KDM3A: variants seen among roughly 807,000 people sequenced by gnomAD.
KDM3A encodes the protein lysine-specific demethylase 3A.
A neutral mutation model predicts 158.0 loss-of-function variants in KDM3A; 60 were observed. That is an observed-to-expected ratio of 0.38 (90% confidence interval 0.31 to 0.47). KDM3A has a LOEUF of 0.47. Among genes scored for constraint, KDM3A ranks in the 20% least tolerant of loss-of-function variants. KDM3A has a pLI of 0.99. For missense variants in KDM3A, 1,319 were observed against 1,574.3 expected (o/e 0.84, Z 2.74); for synonymous variants, 608 against 549.3 (o/e 1.11, Z -1.49).
intron 2 of KDM3A, among the ~76,000 whole-genome samples, chr2:86,445,038 A>G (rs1401333097): frequency 6.6e-6 from 1 of 152,212 alleles, no homozygotes; most frequent in Admixed American, 6.5e-5. Flanking sequence ...ATGGTAAACT[A>G]CATTTTTAGT....
At chr2:86,439,519 G>C (rs1289033068), upstream of KDM3A, among the ~76,000 whole-genome samples, 1 of 151,946 alleles carries the variant, frequency 6.6e-6, no homozygotes. Context: ...CTGAAATAAT[G>C]AATTCAACAT....
chr2:86,461,634 A>G (rs1339632095), intron 8 of KDM3A, among the ~76,000 whole-genome samples: 1 of 152,188 alleles, frequency 6.6e-6, no homozygotes, highest in Admixed American at 6.5e-5. Context: ...GATAAGGGCT[A>G]TGAAAGGTAT....
At chr2:86,439,776 T>C (rs976355336), upstream of KDM3A, among the ~76,000 whole-genome samples, 3 of 152,136 alleles carry the variant, frequency 2.0e-5, no homozygotes, top group Non-Finnish European at 4.4e-5. Context: ...CAGGAGACCA[T>C]ACTGTCTTCA....
At chr2:86,480,779 G>A (rs1377235241) in intron 16 of KDM3A, among the ~76,000 whole-genome samples, 1 of 152,174 alleles carries the variant, frequency 6.6e-6, no homozygotes, top group Non-Finnish European at 1.5e-5. Flanking sequence ...GATGACTGTT[G>A]TAGAAAAAAA....
At chr2:86,479,048 T>A (rs1376473676) in intron 15 of KDM3A, 3 of 184,606 alleles carry the variant, frequency 1.6e-5, no homozygotes, top group Non-Finnish European at 3.3e-5. Context: ...TTTAAAAAAA[T>A]TTTTTGTGTA....
At position 86,492,160 on chromosome 2, in the gene KDM3A, A is replaced by T; in HGVS notation, c.*41A>T. 7.0e-7 allele frequency: 1 copy of T among 1,432,200 alleles called. No individual in the cohort carries two copies. The highest frequency in any genetic ancestry group is 1.4e-5 in the African/African-American group (1 of 71,342). 88.7% of individuals were successfully genotyped at this position (1,432,200 alleles called of 1,614,324 possible). ...GAAATGAATTACAGGCAGCTGTTCA[A>T]ACTCTTCAGGCAGGATTCCTGTGGA... On this transcript the variant is annotated 3_prime_UTR_variant, in exon 26 of 26. Coordinates refer to ENST00000312912, the MANE Select transcript of KDM3A (RefSeq NM_018433.6).
At position 86,456,449 on chromosome 2, in the gene KDM3A, A is replaced by G. The variant is rs534821514; in HGVS notation, c.564A>G (p.Lys188=). Residue 188 remains lysine, a synonymous_variant, in exon 6 of 26, where the codon AAA becomes AAG. Coordinates refer to ENST00000312912, the MANE Select transcript of KDM3A (RefSeq NM_018433.6). ...LDESHLLKGD[K]NLVGSEVKIY... is the part of the protein sequence containing the mutation. ...TTTTTTTTTTTTTTTAAGGTGACAA[A>G]AACTTAGTTGGTTCAGAAGTAAAAA... 3 of 1,513,082 alleles carry G rather than the reference A, an allele frequency of 2.0e-6. No individual in the cohort carries two copies. The East Asian group carries it at 7.2e-5, about 37-fold the overall frequency. 93.7% of individuals were successfully genotyped at this position (1,513,082 alleles called of 1,614,324 possible). A position where few individuals can be genotyped will look rare whatever the true frequency, so the allele number is the denominator to read the frequency against.
intron 1 of KDM3A, among the ~76,000 whole-genome samples, chr2:86,441,770 G>A (rs1458214054): frequency 6.6e-6 from 1 of 150,880 alleles, no homozygotes; most frequent in Non-Finnish European, 1.5e-5. Context: ...CACTCCCTCT[G>A]CGGTTGCGTT....
At position 86,489,428 on chromosome 2, in the gene KDM3A, CAAG is replaced by C. The variant is rs747723689; in HGVS notation, c.3431_3433del (p.Glu1145del). On this transcript the variant is annotated inframe_deletion, in exon 22 of 26. Coordinates refer to ENST00000312912, the MANE Select transcript of KDM3A (RefSeq NM_018433.6). Reference sequence around the variant, plus strand: ...GGGAATTCCCAAAGGACAGTGTGAGCAAGAAGAAGGTAGGGTGCTGAGCATAAA... The same window carrying C: ...GGGAATTCCCAAAGGACAGTGTGAGCAAGAAGGTAGGGTGCTGAGCATAAA... 7.4e-6 allele frequency: 12 copies of C among 1,613,846 alleles called. No individual in the cohort carries two copies. The highest frequency in any genetic ancestry group is 2.2e-5 in the East Asian group (1 of 44,860).
Position 86,470,076 on chromosome 2 carries a change from A to G in KDM3A, c.1520-128A>G, listed in dbSNP as rs192010865. 501 of 710,952 alleles carry G rather than the reference A, an allele frequency of 7.0e-4. 6 individuals are homozygous for G. The highest frequency in any genetic ancestry group is 5.5e-3 in the South Asian group (290 of 52,340). 44.0% of individuals were successfully genotyped at this position (710,952 alleles called of 1,614,324 possible). A position where few individuals can be genotyped will look rare whatever the true frequency, so the allele number is the denominator to read the frequency against. On this transcript the variant is annotated intron_variant, in intron 10 of 25. Coordinates refer to ENST00000312912, the MANE Select transcript of KDM3A (RefSeq NM_018433.6). ...TGTTGAGCCATTTTTAGAAATTACA[A>G]TTGAACCAGGAATTGAGAAGGGAGT... is the stretch of plus-strand genomic sequence containing the variant.
At chr2:86,452,128 C>T (rs1301849491) in intron 4 of KDM3A, among the ~76,000 whole-genome samples, 1 of 151,662 alleles carries the variant, frequency 6.6e-6, no homozygotes, top group Non-Finnish European at 1.5e-5. Flanking sequence ...GGTGATGTTC[C>T]ACCTTGTTTC....
At chr2:86,444,023 C>G (rs73949510) in intron 2 of KDM3A, among the ~76,000 whole-genome samples, 2,204 of 152,252 alleles carry the variant, frequency 0.014, 69 homozygotes, top group African/African-American at 0.051. Flanking sequence ...TGTTGAGAGA[C>G]TAGGCGTTCC....
At chr2:86,437,306 G>T (rs949025407), upstream of KDM3A, among the ~76,000 whole-genome samples, 2 of 151,942 alleles carry the variant, frequency 1.3e-5, no homozygotes, top group African/African-American at 4.8e-5. Context: ...CACCACAACA[G>T]CCAGCTAATT....
intron 3 of KDM3A, among the ~76,000 whole-genome samples, chr2:86,450,326 T>C (rs1054793058): frequency 3.9e-5 from 6 of 152,208 alleles, no homozygotes; most frequent in African/African-American, 1.2e-4. Flanking sequence ...TTCCATTGTC[T>C]CTTAAAAAAT....
In KDM3A at chr2:86,455,167, A is replaced by G. The variant is rs1164256219; in HGVS notation, c.536A>G (p.Asp179Gly). 6 of 1,595,732 alleles carry G rather than the reference A, an allele frequency of 3.8e-6. No individual in the cohort carries two copies. Reference protein sequence around the residue: ...EFQALIVKHLDESHLLKGDKN... With the variant: ...EFQALIVKHLGESHLLKGDKN... ...CAAGCTTTGATTGTGAAGCATTTAG[A>G]TGAAAGCCATCTTTTAAAAGGTATA... is the stretch of plus-strand genomic sequence containing the variant. The change falls in exon 5 of 26, where the codon GAT becomes GGT. Residue 179 changes from aspartate (D) to glycine (G), a missense_variant. By Grantham distance (94) the Asp-to-Gly change is moderately conservative. Around this residue, in one of 4 missense-constraint regions of KDM3A, gnomAD observed 652 missense variants for 627.2 expected, o/e 1.04. Coordinates refer to ENST00000312912, the MANE Select transcript of KDM3A (RefSeq NM_018433.6).
Position 86,474,901 on chromosome 2 carries a change from C to T in KDM3A, c.1850C>T (p.Thr617Ile), listed in dbSNP as rs553923564. ...TKNVVGIDLD[T>I]AKYILANIGD... ...AACGTTGTGGGGATTGATTTGGACA[C>T]AGCAAAGTACATCTTGGCCAACATT... Residue 617 changes from threonine to isoleucine, a missense_variant, in exon 12 of 26, where the codon ACA (threonine) becomes ATA (isoleucine). By Grantham distance (89) the Thr-to-Ile change is moderately conservative (BLOSUM62 -1). Coordinates refer to ENST00000312912, the MANE Select transcript of KDM3A (RefSeq NM_018433.6). The T allele has an allele frequency of 1.9e-6, 3 of 1,613,992 alleles. No individual in the cohort carries two copies. The highest frequency in any genetic ancestry group is 2.5e-6 in the Non-Finnish European group (3 of 1,179,982).
chr2:86,467,018 G>T, intron 10 of KDM3A, 135 bp downstream of exon 10: 2 of 728,136 alleles, frequency 2.7e-6, no homozygotes, highest in South Asian at 2.2e-5. Context: ...GTTGAAAGAA[G>T]GTATAATTCC....
chr2:86,489,773 A>C (rs1045752774), intron 23 of KDM3A, 114 bp downstream of exon 23: 3 of 1,146,682 alleles, frequency 2.6e-6, no homozygotes, highest in South Asian at 1.6e-5. Context: ...TGAAAAGTTA[A>C]ATCTGTACCT....
Position 86,451,112 on chromosome 2 carries a change from C to G in KDM3A, c.352C>G (p.Pro118Ala), listed in dbSNP as rs149635248. 1 of 1,604,132 alleles carries G rather than the reference C, an allele frequency of 6.2e-7. No homozygotes were observed. Among genetic ancestry groups the G allele is most frequent in the Non-Finnish European group, 8.5e-7 (1 of 1,176,526 alleles). The part of the protein sequence containing the change: ...IVQWPAITYK[P>A]LLDKAGLGSI... The stretch of plus-strand genomic sequence containing the variant: ...TTTTCTTTTGTTTTAGACGTACAAA[C>G]CTCTGTTGGACAAAGCTGGTTTGGG... Residue 118 changes from proline (P) to alanine (A), a missense_variant, in exon 4 of 26, where the codon CCT becomes GCT. Pro to Ala is a conservative substitution (Grantham distance 27). This residue lies in a region of KDM3A where 652 missense variants were observed against 627.2 expected (regional missense o/e 1.04). Coordinates refer to ENST00000312912, the MANE Select transcript of KDM3A (RefSeq NM_018433.6).
Sources: gnomAD v4.1 joint callset for allele counts (sites outside exome capture counted in the v4.1 genomes callset) on GRCh38, gnomAD v4.1.1 for gene constraint, gnomAD v4.1.1 regional missense constraint, MANE v1.5 for transcripts, NCBI Gene and HGNC (gene_info 2026-07-23, HGNC 2026-07-21) for gene names.